Variants in CNKSR2 observed in about 807,000 individuals in gnomAD.
CNKSR2 encodes the protein CNK homolog protein 2.
Under a neutral mutation model 84.4 loss-of-function variants are expected in CNKSR2, and 14 were observed. The observed-to-expected ratio is 0.17, with a 90% CI of 0.11 to 0.26. The LOEUF is 0.26. CNKSR2 is among the 10% of genes least tolerant of loss of function. CNKSR2 has a pLI of 1.00. For missense variants in CNKSR2, 485 were observed against 771.2 expected, an observed-to-expected ratio of 0.63 and a Z score of 4.40; for synonymous variants, 275 against 277.9, an observed-to-expected ratio of 0.99 and a Z score of 0.10.
chrX:21,469,768 C>T (rs911115147), intron 4 of CNKSR2, among the ~76,000 whole-genome samples: 2 of 109,672 alleles, frequency 1.8e-5, no homozygotes, highest in Non-Finnish European at 3.8e-5. Context: ...AAAAATTAGC[C>T]GGGCATGGTG....
chrX:21,440,719 T>C lies in CNKSR2; in HGVS notation c.457T>C (p.Tyr153His). The part of the protein sequence containing the change: ...DRSPFAAVTD[Y>H]SVTRNNVIQL... Reference sequence around the variant, plus strand: ...GTCACCATTTGCTGCTGTGACAGACTATTCAGTTACAAGAAATAATGTCAT... The same window carrying C: ...GTCACCATTTGCTGCTGTGACAGACCATTCAGTTACAAGAAATAATGTCAT... Residue 153 changes from tyrosine to histidine, a missense_variant, in exon 4 of 22, where the codon TAT becomes CAT. Coordinates refer to ENST00000379510, the MANE Select transcript of CNKSR2 (RefSeq NM_014927.5). The C allele has an allele frequency of 4.2e-6, 5 of 1,194,738 alleles. No individual in the cohort carries two copies. Among genetic ancestry groups the C allele is most frequent in the Non-Finnish European group, 5.7e-6 (5 of 883,149 alleles).
At chrX:21,422,464 G>A (rs920227945) in intron 1 of CNKSR2, among the ~76,000 whole-genome samples, 1 of 111,975 alleles carries the variant, frequency 8.9e-6, no homozygotes, top group African/African-American at 3.2e-5. Flanking sequence ...TTTCACTTAT[G>A]TACTTATTTT....
chrX:21,567,795 GGTGTGTGTGTGTGTGTGTGTGT>G (rs58020537), intron 13 of CNKSR2, among the ~76,000 whole-genome samples: 4 of 90,138 alleles, frequency 4.4e-5, no homozygotes, highest in African/African-American at 8.1e-5. Context: ...GTTTTTGTGT[GGTGTGTGTGTGTGTGTGTGTGT>G]GTGTGTGTGT....
chrX:21,580,696 G>T (rs888904896), intron 13 of CNKSR2, among the ~76,000 whole-genome samples: 1 of 111,081 alleles, frequency 9.0e-6, no homozygotes, highest in Non-Finnish European at 1.9e-5. Flanking sequence ...GAGATTCTTG[G>T]GTTTCATGCA....
chrX:21,609,027 G>T, intron 19 of CNKSR2, 44 bp from the exon 20 acceptor site: 4 of 1,159,753 alleles, frequency 3.4e-6, no homozygotes, highest in Non-Finnish European at 4.6e-6. Flanking sequence ...AATGGAAGTG[G>T]TCTGTTATTT....
At chrX:21,407,879 A>C (rs2090285595) in intron 1 of CNKSR2, among the ~76,000 whole-genome samples, 1 of 111,983 alleles carries the variant, frequency 8.9e-6, no homozygotes, top group African/African-American at 3.2e-5. Flanking sequence ...GCTGACAATA[A>C]AAAGTAATTG....
chrX:21,554,478 C>T (rs191678510), intron 11 of CNKSR2, among the ~76,000 whole-genome samples: 244 of 111,165 alleles, frequency 2.2e-3, no homozygotes, highest in African/African-American at 7.2e-3. Flanking sequence ...TCCTCTCCCT[C>T]CTCCCACCTT....
intron 13 of CNKSR2, among the ~76,000 whole-genome samples, chrX:21,585,877 T>A (rs1282586793): frequency 9.0e-6 from 1 of 111,613 alleles, no homozygotes; most frequent in Admixed American, 9.5e-5. Context: ...AGATGGGAAT[T>A]TTTAGAGAAT....
chrX:21,497,377 TGTATAATATATCAA>T (rs1187780526), intron 6 of CNKSR2, among the ~76,000 whole-genome samples: 2 of 111,973 alleles, frequency 1.8e-5, no homozygotes, highest in African/African-American at 6.5e-5. Flanking sequence ...TACTTTCCAT[TGTATAATATATCAA>T]GTATAATAAG....
At chrX:21,560,041 T>C (rs2092173698) in intron 11 of CNKSR2, among the ~76,000 whole-genome samples, 1 of 111,371 alleles carries the variant, frequency 9.0e-6, no homozygotes, top group East Asian at 2.8e-4. Flanking sequence ...TCATAAAATT[T>C]AGCTGGGCAA....
intron 13 of CNKSR2, among the ~76,000 whole-genome samples, chrX:21,573,383 C>T (rs1208617408): frequency 1.8e-5 from 2 of 112,183 alleles, no homozygotes; most frequent in Non-Finnish European, 3.8e-5. Flanking sequence ...TAGGCAGTGC[C>T]CCAGTGGAGA....
intron 20 of CNKSR2, among the ~76,000 whole-genome samples, chrX:21,610,498 A>G (rs1003554994): frequency 1.8e-5 from 2 of 112,326 alleles, no homozygotes; most frequent in African/African-American, 6.5e-5. Flanking sequence ...AAAATGCACA[A>G]AACAAAATAT....
In CNKSR2 at chrX:21,594,821, CAGGTAAGCATTGA is replaced by C. The variant is rs754424901; in HGVS notation, c.1831-151_1831-139del. The C allele has an allele frequency of 1.8e-5, 7 of 387,326 alleles. No homozygotes were observed. In the Admixed American group the frequency reaches 2.8e-4, roughly 15 times the overall value. The allele number at this position is 387,326 out of a possible 1,213,427, so 31.9% of individuals were successfully genotyped here. On this transcript the variant is annotated intron_variant, in intron 15 of 21. Coordinates refer to ENST00000379510, the MANE Select transcript of CNKSR2 (RefSeq NM_014927.5). ...TATATCTTCAATTTATGGAGTACAG[CAGGTAAGCATTGA>C]ATTCTTATCTCTAAAATGTCAAATT...
intron 5 of CNKSR2, among the ~76,000 whole-genome samples, chrX:21,475,906 A>G (rs1469714170): frequency 9.0e-6 from 1 of 111,349 alleles, no homozygotes; most frequent in Non-Finnish European, 1.9e-5. Context: ...ATACTAAACC[A>G]AAATGCTCCA....
intron 20 of CNKSR2, among the ~76,000 whole-genome samples, chrX:21,647,116 A>G (rs1344544227): frequency 1.8e-5 from 2 of 112,127 alleles, no homozygotes; most frequent in African/African-American, 6.5e-5. Flanking sequence ...GCCAACAGAG[A>G]ATTTAAAAGC....
At chrX:21,420,078 G>C (rs1244967408) in intron 1 of CNKSR2, among the ~76,000 whole-genome samples, 2 of 112,227 alleles carry the variant, frequency 1.8e-5, no homozygotes, top group Non-Finnish European at 3.8e-5. Context: ...GTGTTCTGTT[G>C]TACTGTGGCT....
chrX:21,407,866 G>T (rs2090285495), intron 1 of CNKSR2, among the ~76,000 whole-genome samples: 2 of 111,440 alleles, frequency 1.8e-5, no homozygotes, highest in African/African-American at 3.2e-5. Flanking sequence ...TTCCTGGGAG[G>T]CTGCTGACAA....
At chrX:21,585,029 C>T (rs1390714647) in intron 13 of CNKSR2, among the ~76,000 whole-genome samples, 2 of 108,725 alleles carry the variant, frequency 1.8e-5, no homozygotes, top group East Asian at 5.8e-4. Flanking sequence ...ATCACTTGAG[C>T]CCAGGAGTTC....
At chrX:21,375,384 C>T (rs1456136145) in intron 1 of CNKSR2, among the ~76,000 whole-genome samples, 1 of 112,345 alleles carries the variant, frequency 8.9e-6, no homozygotes, top group Non-Finnish European at 1.9e-5. Flanking sequence ...GCTGACGCCC[C>T]CTCGGCGGCC....
Sources: allele counts gnomAD v4.1 joint callset (sites outside exome capture counted in the v4.1 genomes callset), GRCh38; gene constraint gnomAD v4.1.1; transcripts MANE v1.5; gene names NCBI Gene and HGNC (gene_info 2026-07-23, HGNC 2026-07-21).